The following LRRC36 variants were observed in gnomAD, a reference collection of about 807,000 sequenced individuals.
LRRC36 encodes the protein leucine-rich repeat-containing protein 36.
Under a neutral mutation model 81.1 loss-of-function variants are expected in LRRC36, and 62 were observed. The ratio of observed to expected loss-of-function variants is 0.76; its 90% CI spans 0.62 to 0.94. The LOEUF is 0.94. LRRC36 is among the 40% of genes least tolerant of loss of function. The probability of loss-of-function intolerance (pLI) is 0.00; values close to 1 mark genes in which losing one functional copy is unlikely to be tolerated. For synonymous variants in LRRC36, 334 were observed against 348.6 expected (o/e 0.96, Z 0.47); for missense variants, 761 against 881.7 (o/e 0.86, Z 1.73).
intron 8 of LRRC36, 45 bp downstream of exon 8, chr16:67,367,502 A>T (rs779208835): frequency 6.6e-7 from 1 of 1,510,772 alleles, no homozygotes; most frequent in South Asian, 1.3e-5. Context: ...ATAGGCATGA[A>T]GATAGAAGAT....
At chr16:67,376,940 ATCAGCATC>A (rs1300963468) in intron 11 of LRRC36, 68 bp downstream of exon 11, 54 of 1,513,210 alleles carry the variant, frequency 3.6e-5, no homozygotes, top group Non-Finnish European at 4.4e-5. Flanking sequence ...TGCCTTAATG[ATCAGCATC>A]ACCGTGAACA....
chr16:67,341,779 G>T (rs900416099), intron 1 of LRRC36, among the ~76,000 whole-genome samples, 178 bp from the exon 2 acceptor site: 1 of 152,078 alleles, frequency 6.6e-6, no homozygotes, highest in East Asian at 1.9e-4. Context: ...TAAAACTAAG[G>T]TTCAATGTCA....
chr16:67,351,460 A>C (rs991531345), intron 5 of LRRC36, among the ~76,000 whole-genome samples: 1 of 152,154 alleles, frequency 6.6e-6, no homozygotes, highest in African/African-American at 2.4e-5. Flanking sequence ...TAATCTCAGC[A>C]CTTTGGGAGG....
Position 67,355,565 on chromosome 16 carries a change from G to A in LRRC36, c.577+5275G>A, listed in dbSNP as rs189777485. 3.2e-3 allele frequency among the ~76,000 whole-genome samples: 489 copies of A among 151,590 alleles called. 2 individuals carry two copies. Among genetic ancestry groups the A allele is most frequent in the African/African-American group, 0.012 (479 of 41,356 alleles). Reference sequence around the variant, plus strand: ...AATTTTTTGTATTTTTAGTAGAGACGGGGTTTCACTGTTTTAGCCGGGATG... The same window carrying A: ...AATTTTTTGTATTTTTAGTAGAGACAGGGTTTCACTGTTTTAGCCGGGATG... On this transcript the variant is annotated intron_variant, in intron 5 of 13. Coordinates refer to ENST00000329956, the MANE Select transcript of LRRC36 (RefSeq NM_018296.6).
chr16:67,342,990 A>G (rs1048195046), intron 2 of LRRC36, among the ~76,000 whole-genome samples: 3 of 151,976 alleles, frequency 2.0e-5, no homozygotes, highest in African/African-American at 7.3e-5. Flanking sequence ...AAAATCAGCA[A>G]CTCCAAGTTC....
At chr16:67,369,115 A>G (rs1374840466) in intron 8 of LRRC36, among the ~76,000 whole-genome samples, 1 of 152,248 alleles carries the variant, frequency 6.6e-6, no homozygotes, top group Non-Finnish European at 1.5e-5. Flanking sequence ...ATGGCTGGAA[A>G]TATAAATTTG....
chr16:67,342,625 A>C (rs992972231), intron 2 of LRRC36, among the ~76,000 whole-genome samples: 2 of 152,184 alleles, frequency 1.3e-5, no homozygotes, highest in African/African-American at 4.8e-5. Context: ...CCAAGCATGA[A>C]CAGTGTGCGT....
At chr16:67,352,838 C>G (rs1433321256) in intron 5 of LRRC36, among the ~76,000 whole-genome samples, 1 of 151,582 alleles carries the variant, frequency 6.6e-6, no homozygotes, top group Non-Finnish European at 1.5e-5. Flanking sequence ...CTACCATGCA[C>G]AGCTAAGTTT....
At chr16:67,329,566 T>A (rs1412607161) in intron 1 of LRRC36, among the ~76,000 whole-genome samples, 13 of 152,114 alleles carry the variant, frequency 8.5e-5, no homozygotes. Context: ...GATTTCTTGA[T>A]ATCATGAAAT....
At chr16:67,346,658 A>G (rs2038362728) in intron 3 of LRRC36, among the ~76,000 whole-genome samples, 1 of 152,042 alleles carries the variant, frequency 6.6e-6, no homozygotes, top group Non-Finnish European at 1.5e-5. Context: ...AGTTACTTCC[A>G]GCTTTAGTTT....
intron 1 of LRRC36, among the ~76,000 whole-genome samples, chr16:67,335,618 T>C (rs947890699): frequency 1.3e-4 from 20 of 152,304 alleles, no homozygotes; most frequent in Admixed American, 3.9e-4. Context: ...ACAAGAGTAT[T>C]GATTGGGGAA....
At chr16:67,349,625 A>G (rs542964124) in intron 4 of LRRC36, among the ~76,000 whole-genome samples, 1 of 152,334 alleles carries the variant, frequency 6.6e-6, no homozygotes, top group East Asian at 1.9e-4. Context: ...AGTATGTGTC[A>G]AGAAAACAGA....
At chr16:67,337,848 C>T (rs531796802) in intron 1 of LRRC36, among the ~76,000 whole-genome samples, 7 of 152,006 alleles carry the variant, frequency 4.6e-5, no homozygotes, top group East Asian at 3.9e-4. Context: ...CACTTTGGAA[C>T]GCCGAGGCAG....
chr16:67,377,283 A>T (rs1457068763), intron 11 of LRRC36, among the ~76,000 whole-genome samples: 1 of 152,094 alleles, frequency 6.6e-6, no homozygotes, highest in Admixed American at 6.6e-5. Flanking sequence ...GGCTCTAGGA[A>T]AGGAAGAAGC....
At chr16:67,352,547 C>T (rs1283235716) in intron 5 of LRRC36, among the ~76,000 whole-genome samples, 2 of 152,074 alleles carry the variant, frequency 1.3e-5, no homozygotes, top group South Asian at 2.1e-4. Context: ...CCGAAATAGG[C>T]GTACCTAGGC....
intron 1 of LRRC36, among the ~76,000 whole-genome samples, chr16:67,330,519 T>C (rs2037430605): frequency 2.0e-5 from 3 of 152,136 alleles, no homozygotes; most frequent in Admixed American, 6.6e-5. Context: ...AGGTGACCAG[T>C]GAGGACTGTT....
At chr16:67,350,749 T>C (rs770726989) in intron 5 of LRRC36, among the ~76,000 whole-genome samples, 8 of 152,146 alleles carry the variant, frequency 5.3e-5, no homozygotes, top group Non-Finnish European at 1.2e-4. Flanking sequence ...GCTAAAGTGG[T>C]TATGCCAGGC....
intron 5 of LRRC36, 64 bp from the exon 6 acceptor site, chr16:67,363,526 A>C: frequency 6.4e-7 from 1 of 1,567,840 alleles, no homozygotes; most frequent in Non-Finnish European, 8.7e-7. Flanking sequence ...TCTATCCATT[A>C]GACATGCTGC....
chr16:67,358,457 C>T lies in LRRC36; in HGVS notation c.578-5133C>T, dbSNP rs575491797. 2.0e-4 allele frequency among the ~76,000 whole-genome samples: 30 copies of T among 152,018 alleles called. 2 individuals carry two copies. Among genetic ancestry groups the T allele is most frequent in the Middle Eastern group, 6.8e-3 (2 of 292 alleles). On this transcript the variant is annotated intron_variant, in intron 5 of 13. Transcript: ENST00000329956. Reference sequence around the variant, plus strand: ...TCCTGGGCTTAAGTGATATTCCTGCCTCCTGAGTAGCAGGGACTACAGGCA... The same window carrying T: ...TCCTGGGCTTAAGTGATATTCCTGCTTCCTGAGTAGCAGGGACTACAGGCA...
Sources: allele counts gnomAD v4.1 joint callset (sites outside exome capture counted in the v4.1 genomes callset), GRCh38; gene constraint gnomAD v4.1.1; transcripts MANE v1.5; gene names NCBI Gene and HGNC (gene_info 2026-07-23, HGNC 2026-07-21).